HIPK2: variants seen among roughly 807,000 people sequenced by gnomAD.
The protein encoded by HIPK2 is homeodomain interacting protein kinase 2.
HIPK2 carries 27 observed loss-of-function variants against 113.7 expected under a neutral mutation model. That is an observed-to-expected ratio of 0.24 (90% CI 0.17 to 0.33). HIPK2 has a LOEUF of 0.33. Among genes scored for constraint, HIPK2 ranks in the 10% least tolerant of loss-of-function variants. The probability of loss-of-function intolerance (pLI) is 1.00; values close to 1 mark genes in which losing one functional copy is unlikely to be tolerated. For missense variants in HIPK2, 1,257 were observed against 1,588.0 expected (o/e 0.79, Z 3.54); for synonymous variants, 631 against 642.2 (o/e 0.98, Z 0.26).
In HIPK2 at chr7:139,631,471, A is replaced by G; in HGVS notation, c.1227+131T>C. ...AAGAAAAAATAGCAAGGTTAAGGGA[A>G]GCAAGGTTTGGGAGACAACGTGACA... On this transcript the variant is annotated intron_variant, in intron 3 of 14. Coordinates refer to ENST00000406875, the MANE Select transcript of HIPK2 (RefSeq NM_022740.5). This position sits in a 1 kb window ranked among gnomAD's most constrained non-coding sequence, Gnocchi z 4.9. 1 of 1,451,596 alleles carries G rather than the reference A, an allele frequency of 6.9e-7. No homozygotes were observed. The highest frequency in any genetic ancestry group is 9.2e-7 in the Non-Finnish European group (1 of 1,092,104). 89.9% of individuals were successfully genotyped at this position (1,451,596 alleles called of 1,614,324 possible).
In HIPK2 at chr7:139,566,829, A is replaced by T. The variant is rs1201864571; in HGVS notation, c.*6098T>A. ...AGTCAGTGTCATGTTCAACACAGGG[A>T]TCTGAGATGAGGGGCTCCCAGAGGC... On this transcript the variant is annotated 3_prime_UTR_variant, in exon 15 of 15. Transcript: ENST00000406875. This position sits in a 1 kb window ranked among gnomAD's most constrained non-coding sequence, Gnocchi z 4.1. 6.6e-6 allele frequency: 1 copy of T among 152,248 alleles called. No individual in the cohort carries two copies. The highest frequency in any genetic ancestry group is 1.9e-4 in the East Asian group (1 of 5,196). The allele number at this position is 152,248 out of a possible 1,614,324, so 9.4% of individuals were successfully genotyped here. A position where few individuals can be genotyped will look rare whatever the true frequency, so the allele number is the denominator to read the frequency against.
chr7:139,586,143 G>T (rs754787875), intron 12 of HIPK2, among the ~76,000 whole-genome samples: 1 of 152,204 alleles, frequency 6.6e-6, no homozygotes, highest in Non-Finnish European at 1.5e-5. Context: ...GGTGAGGAAT[G>T]AATTGGTTGC....
At chr7:139,685,994 A>T (rs1210063465) in intron 2 of HIPK2, among the ~76,000 whole-genome samples, 1 of 152,250 alleles carries the variant, frequency 6.6e-6, no homozygotes. Context: ...GCTGCCATAG[A>T]CAGTGAGTCC....
chr7:139,671,213 C>A (rs1047565408), intron 2 of HIPK2, among the ~76,000 whole-genome samples: 2 of 151,972 alleles, frequency 1.3e-5, no homozygotes, highest in African/African-American at 4.8e-5. Context: ...TACTTGAAAA[C>A]AAAGTATTAC....
At chr7:139,722,864 ATTCTT>A (rs956169520) in intron 1 of HIPK2, among the ~76,000 whole-genome samples, 2 of 151,538 alleles carry the variant, frequency 1.3e-5, no homozygotes, top group Admixed American at 6.6e-5. Context: ...CTAGATCTAA[ATTCTT>A]TTTTTTTTTT....
intron 2 of HIPK2, among the ~76,000 whole-genome samples, chr7:139,634,419 T>A (rs1430671451): frequency 6.6e-6 from 1 of 152,054 alleles, no homozygotes; most frequent in Non-Finnish European, 1.5e-5. Flanking sequence ...CTGGCACTGA[T>A]GAGCTGGGGA....
chr7:139,696,186 C>T (rs1794562144), intron 2 of HIPK2, among the ~76,000 whole-genome samples: 1 of 152,116 alleles, frequency 6.6e-6, no homozygotes, highest in Admixed American at 6.5e-5. Flanking sequence ...TACGTAAATA[C>T]ACAGTGGTAA....
In HIPK2 at chr7:139,716,718, T is replaced by C; in HGVS notation, c.317A>G (p.Gln106Arg). 5 of 1,613,890 alleles carry C rather than the reference T, an allele frequency of 3.1e-6. No individual in the cohort carries two copies. Among genetic ancestry groups the C allele is most frequent in the Non-Finnish European group, 4.2e-6 (5 of 1,179,862 alleles). Residue 106 changes from glutamine (Q) to arginine (R), a missense_variant, in exon 2 of 15, where the codon CAA becomes CGA. This residue lies in a region of HIPK2 where 209 missense variants were observed against 237.8 expected (regional missense o/e 0.88). Transcript: ENST00000406875. This position sits in a 1 kb window ranked among gnomAD's most constrained non-coding sequence, Gnocchi z 9.3. Reference protein sequence around the residue: ...TSASSTSVTGQVLGGPHNLMR... With the variant: ...TSASSTSVTGRVLGGPHNLMR... Reference sequence around the variant, plus strand: ...TAGGTTGTGTGGTCCGCCGAGGACTTGCCCGGTGACAGAAGTGCTGCTTGC... The same window carrying C: ...TAGGTTGTGTGGTCCGCCGAGGACTCGCCCGGTGACAGAAGTGCTGCTTGC...
rs1585388562 is a variant in HIPK2 at position 139,695,016 on chromosome 7, C to T, written c.1103+20916G>A. ...CTATTATATGGCCTGCTAATGTTTA[C>T]TGGCATTTTTCCTAGCTAGCTGCTC... is the stretch of plus-strand genomic sequence containing the variant. On this transcript the variant is annotated intron_variant, in intron 2 of 14. Coordinates refer to ENST00000406875, the MANE Select transcript of HIPK2 (RefSeq NM_022740.5). Among the ~76,000 whole-genome samples the T allele has an allele frequency of 2.0e-5, 3 of 152,174 alleles. No individual in the cohort carries two copies. The East Asian group carries it at 5.8e-4, about 29-fold the overall frequency.
chr7:139,595,120 C>T (rs377282413), intron 12 of HIPK2, among the ~76,000 whole-genome samples: 4 of 152,296 alleles, frequency 2.6e-5, no homozygotes, highest in African/African-American at 4.8e-5. Flanking sequence ...AGATCTCATA[C>T]GTTAGGAATG....
chr7:139,666,854 G>A (rs900268867), intron 2 of HIPK2, among the ~76,000 whole-genome samples: 3 of 152,192 alleles, frequency 2.0e-5, no homozygotes, highest in Non-Finnish European at 4.4e-5. Flanking sequence ...CCTGAGGTCA[G>A]GAGTTCTAGA....
intron 2 of HIPK2, among the ~76,000 whole-genome samples, chr7:139,694,070 A>AGG: frequency 6.6e-6 from 1 of 152,228 alleles, no homozygotes; most frequent in East Asian, 1.9e-4. Context: ...CCTATTCAAT[A>AGG]AATCATCAAG....
chr7:139,773,958 G>A (rs1480781179), intron 1 of HIPK2, among the ~76,000 whole-genome samples: 11 of 152,216 alleles, frequency 7.2e-5, no homozygotes. Context: ...AAGTAGCACA[G>A]AAAGTGCCAC....
At chr7:139,700,124 G>C (rs1794667661) in intron 2 of HIPK2, among the ~76,000 whole-genome samples, 1 of 152,194 alleles carries the variant, frequency 6.6e-6, no homozygotes, top group Admixed American at 6.5e-5. Context: ...CCTGTGCGAG[G>C]TGGGGGGAGG....
intron 14 of HIPK2, 62 bp downstream of exon 14, chr7:139,575,066 G>A (rs1798440204): frequency 6.6e-7 from 1 of 1,516,594 alleles, no homozygotes; most frequent in Admixed American, 2.1e-5. Flanking sequence ...AATCCTCTCT[G>A]AAGCGGAAGG....
At chr7:139,636,715 G>T (rs1234977626) in intron 2 of HIPK2, among the ~76,000 whole-genome samples, 1 of 152,102 alleles carries the variant, frequency 6.6e-6, no homozygotes, top group African/African-American at 2.4e-5. Context: ...CTTGATTTTG[G>T]ATGTCTTTTG....
At chr7:139,738,082 C>T (rs1795988869) in intron 1 of HIPK2, among the ~76,000 whole-genome samples, 1 of 152,242 alleles carries the variant, frequency 6.6e-6, no homozygotes, top group Admixed American at 6.5e-5. Flanking sequence ...CAAGACTTAG[C>T]AGTCCTGTTT....
intron 9 of HIPK2, among the ~76,000 whole-genome samples, chr7:139,612,856 A>T (rs1799886385): frequency 6.6e-6 from 1 of 152,234 alleles, no homozygotes; most frequent in Admixed American, 6.5e-5. Flanking sequence ...TTTACAAGAA[A>T]GAAATTTGAG....
intron 12 of HIPK2, 135 bp from the exon 13 acceptor site, chr7:139,584,199 C>T (rs1002659896): frequency 8.4e-7 from 1 of 1,191,918 alleles, no homozygotes; most frequent in Non-Finnish European, 1.2e-6. Context: ...CCTCCCTAAC[C>T]CCCATAGGGA....
Sources: gnomAD v4.1 joint callset for allele counts (sites outside exome capture counted in the v4.1 genomes callset) on GRCh38, gnomAD v4.1.1 for gene constraint, gnomAD v4.1.1 regional missense constraint, Gnocchi (gnomAD v3.1) non-coding constraint, MANE v1.5 for transcripts, NCBI Gene and HGNC (gene_info 2026-07-23, HGNC 2026-07-21) for gene names.